Variants in PLB1 observed in about 807,000 individuals in gnomAD.
The protein encoded by PLB1 is phospholipase B1, membrane-associated.
In PLB1, 242 loss-of-function variants were observed where a neutral mutation model predicts 227.4. The ratio of observed to expected loss-of-function variants is 1.06; its 90% CI spans 0.96 to 1.18. The LOEUF is 1.18. Ranked by LOEUF, PLB1 falls within the 50% of genes most tolerant of loss-of-function variation. PLB1 has a pLI of 0.00. For missense variants in PLB1, 1,858 were observed against 1,816.3 expected, an observed-to-expected ratio of 1.02 and a Z score of -0.42; for synonymous variants, 757 against 682.2, an observed-to-expected ratio of 1.11 and a Z score of -1.71.
intron 13 of PLB1, 47 bp downstream of exon 13, chr2:28,541,858 C>A (rs772257174): frequency 6.9e-7 from 1 of 1,451,392 alleles, no homozygotes; most frequent in Non-Finnish European, 9.7e-7. Context: ...GGGGGCCGGG[C>A]ATGGTGGCTC....
intron 4 of PLB1, among the ~76,000 whole-genome samples, chr2:28,522,409 G>C (rs1238544720): frequency 1.3e-5 from 2 of 152,048 alleles, no homozygotes; most frequent in Non-Finnish European, 2.9e-5. Flanking sequence ...GGTGGGGGTG[G>C]AGGGTTACCC....
chr2:28,523,227 GCA>G (rs1455761435), intron 4 of PLB1, among the ~76,000 whole-genome samples: 1 of 151,214 alleles, frequency 6.6e-6, no homozygotes, highest in African/African-American at 2.4e-5. Context: ...ATACACACGT[GCA>G]CACACATATA....
At chr2:28,501,278 A>G (rs1368236598) in intron 1 of PLB1, among the ~76,000 whole-genome samples, 1 of 152,192 alleles carries the variant, frequency 6.6e-6, no homozygotes, top group African/African-American at 2.4e-5. Context: ...GAATCCTACA[A>G]TACATACAAC....
chr2:28,617,670 G>A (rs1686384554), intron 44 of PLB1, 57 bp from the exon 45 acceptor site: 12 of 1,555,520 alleles, frequency 7.7e-6, no homozygotes, highest in Non-Finnish European at 1.1e-5. Flanking sequence ...TTGGGCTGAA[G>A]CTTATCTCCC....
intron 14 of PLB1, among the ~76,000 whole-genome samples, chr2:28,545,897 T>C (rs1277187879): frequency 2.6e-5 from 4 of 152,092 alleles, no homozygotes; most frequent in Non-Finnish European, 4.4e-5. Flanking sequence ...CCAGGTCCAT[T>C]ACTCTGTCCT....
intron 9 of PLB1, among the ~76,000 whole-genome samples, chr2:28,534,962 C>T (rs574595009): frequency 2.6e-5 from 4 of 152,206 alleles, no homozygotes; most frequent in Non-Finnish European, 5.9e-5. Flanking sequence ...TTAATAGGCT[C>T]TGCCTCCTAA....
chr2:28,642,875 C>T lies in PLB1; in HGVS notation c.4191C>T (p.Tyr1397=), dbSNP rs774020005. 1.4e-5 allele frequency: 23 copies of T among 1,602,848 alleles called. 1 individual carries two copies. Among genetic ancestry groups the T allele is most frequent in the Middle Eastern group, 3.3e-4 (2 of 6,046 alleles). ...CTCCACAGGAGAGCCCTTACCTCTA[C>T]ACCCTGCGGAACAGCCGATTGCTCC... ...KCPSPESPYL[Y]TLRNSRLLPD... is the part of the protein sequence containing the mutation. Residue 1397 remains tyrosine, a synonymous_variant, in exon 58 of 58, where the codon TAC becomes TAT. Transcript: ENST00000327757.
chr2:28,559,694 C>G (rs544402357), intron 17 of PLB1, among the ~76,000 whole-genome samples: 11 of 147,964 alleles, frequency 7.4e-5, no homozygotes, highest in African/African-American at 2.8e-4. Context: ...TATAGTCCAG[C>G]TGTGTCAAAA....
At chr2:28,526,049 A>C (rs10181687) in intron 6 of PLB1, 104 bp downstream of exon 6, 783,404 of 1,309,334 alleles carry the variant, frequency 0.6, 245,098 homozygotes, top group Non-Finnish European at 0.65. Context: ...CCACTTTATC[A>C]CTGGAGCCCA....
At chr2:28,514,329 T>C (rs186706782) in intron 1 of PLB1, among the ~76,000 whole-genome samples, 1 of 152,328 alleles carries the variant, frequency 6.6e-6, no homozygotes, top group African/African-American at 2.4e-5. Flanking sequence ...TCACACTGTC[T>C]TGATCACAGT....
rs531620366 is a variant in PLB1, at chr2:28,542,676, C to T, written c.880-536C>T. On this transcript the variant is annotated intron_variant, in intron 13 of 57. Coordinates refer to ENST00000327757, the MANE Select transcript of PLB1 (RefSeq NM_153021.5). Reference sequence around the variant, plus strand: ...GAGGGGAATCTCAGTTGCCCTTGCCCGCTCCCCCAGGACACTGGGCAAGGG... The same window carrying T: ...GAGGGGAATCTCAGTTGCCCTTGCCTGCTCCCCCAGGACACTGGGCAAGGG... 8.5e-5 allele frequency among the ~76,000 whole-genome samples: 13 copies of T among 152,220 alleles called. No homozygotes were observed. The East Asian group carries it at 2.3e-3, about 27-fold the overall frequency.
chr2:28,524,534 C>T (rs145406201), intron 4 of PLB1, among the ~76,000 whole-genome samples: 7 of 152,242 alleles, frequency 4.6e-5, no homozygotes, highest in Non-Finnish European at 5.9e-5. Flanking sequence ...TACAACACAC[C>T]CAGGCACTGT....
At chr2:28,570,647 G>A (rs1429068539) in intron 20 of PLB1, among the ~76,000 whole-genome samples, 2 of 152,208 alleles carry the variant, frequency 1.3e-5, no homozygotes, top group African/African-American at 4.8e-5. Flanking sequence ...TTAGTTGGGT[G>A]TGGTGGCGGG....
intron 15 of PLB1, among the ~76,000 whole-genome samples, chr2:28,549,439 C>T (rs576745402): frequency 0.029 from 135 of 4,618 alleles, no homozygotes; most frequent in African/African-American, 0.045. Flanking sequence ...TTTTTTGAGA[C>T]GGAGTCTCGC....
chr2:28,503,237 C>T (rs533753534), intron 1 of PLB1, among the ~76,000 whole-genome samples: 5 of 151,994 alleles, frequency 3.3e-5, no homozygotes, highest in East Asian at 1.9e-4. Flanking sequence ...ACTGCTGCCT[C>T]GACCTCTGGG....
At chr2:28,529,205 A>T in intron 6 of PLB1, 112 bp from the exon 7 acceptor site, 1 of 698,608 alleles carries the variant, frequency 1.4e-6, no homozygotes, top group Non-Finnish European at 2.5e-6. Context: ...TCAGCCTCCC[A>T]AGGTACTGAG....
chr2:28,513,128 T>C (rs973080095), intron 1 of PLB1, among the ~76,000 whole-genome samples: 14 of 152,224 alleles, frequency 9.2e-5, no homozygotes, highest in Non-Finnish European at 1.6e-4. Flanking sequence ...TTAAATTTTC[T>C]CTTGACTATG....
chr2:28,579,586 C>T (rs759821408), intron 22 of PLB1, 41 bp from the exon 23 acceptor site: 5 of 1,526,834 alleles, frequency 3.3e-6, no homozygotes, highest in Non-Finnish European at 4.5e-6. Context: ...TGACTTGACT[C>T]TGGGACAAGG....
At chr2:28,526,019 A>C in intron 6 of PLB1, 74 bp downstream of exon 6, 1 of 1,538,438 alleles carries the variant, frequency 6.5e-7, no homozygotes, top group Non-Finnish European at 9.0e-7. Context: ...CTCTCTAATA[A>C]AGAGAATGGA....
Sources: allele counts gnomAD v4.1 joint callset (sites outside exome capture counted in the v4.1 genomes callset), GRCh38; gene constraint gnomAD v4.1.1; transcripts MANE v1.5; gene names NCBI Gene and HGNC (gene_info 2026-07-23, HGNC 2026-07-21).